MOGAT1: variants seen among roughly 807,000 people sequenced by gnomAD.
The protein encoded by MOGAT1 is 2-acylglycerol O-acyltransferase 1.
In MOGAT1, 32 loss-of-function variants were observed where a neutral mutation model predicts 31.4. The observed-to-expected ratio is 1.02, with a 90% CI of 0.77 to 1.37. The LOEUF (loss-of-function observed/expected upper bound fraction) is 1.37. Ranked by LOEUF, MOGAT1 falls within the 40% of genes most tolerant of loss-of-function variation. The pLI, the probability that MOGAT1 is intolerant of heterozygous loss-of-function variation, is 0.00. For synonymous variants in MOGAT1, 145 were observed against 144.5 expected (o/e 1.00, Z -0.03); for missense variants, 426 against 402.0 (o/e 1.06, Z -0.51).
chr2:222,679,796 T>C (rs1692551540), intron 1 of MOGAT1, among the ~76,000 whole-genome samples: 1 of 152,232 alleles, frequency 6.6e-6, no homozygotes, highest in Non-Finnish European at 1.5e-5. Context: ...ATGTGCCACA[T>C]GATCAAACTT....
intron 5 of MOGAT1, among the ~76,000 whole-genome samples, chr2:222,707,302 AGGAG>A (rs1306844555): frequency 6.7e-6 from 1 of 149,588 alleles, no homozygotes; most frequent in Non-Finnish European, 1.5e-5. Context: ...AAGGAAGGAA[AGGAG>A]GGAGGAAGGA....
intron 5 of MOGAT1, among the ~76,000 whole-genome samples, 197 bp downstream of exon 5, chr2:222,695,485 G>C (rs924373854): frequency 6.6e-6 from 1 of 152,298 alleles, no homozygotes; most frequent in African/African-American, 2.4e-5. Flanking sequence ...AATAGGAATT[G>C]ATTACTTTCA....
chr2:222,692,819 G>A (rs1468280111), intron 3 of MOGAT1, among the ~76,000 whole-genome samples: 1 of 152,152 alleles, frequency 6.6e-6, no homozygotes, highest in East Asian at 1.9e-4. Flanking sequence ...GGAGTGGCCA[G>A]AGGCAAGCTA....
chr2:222,677,121 A>G (rs1049025592), intron 1 of MOGAT1, among the ~76,000 whole-genome samples: 2 of 152,206 alleles, frequency 1.3e-5, no homozygotes, highest in African/African-American at 4.8e-5. Flanking sequence ...TGACTGGCCA[A>G]AGGTGGGTAC....
At chr2:222,701,706 A>G (rs914237780) in intron 5 of MOGAT1, among the ~76,000 whole-genome samples, 4 of 151,106 alleles carry the variant, frequency 2.6e-5, no homozygotes, top group African/African-American at 9.8e-5. Context: ...GGGAGGGGAA[A>G]GGAGGGGGTT....
chr2:222,696,750 G>A (rs1400742533), intron 5 of MOGAT1, among the ~76,000 whole-genome samples: 1 of 152,136 alleles, frequency 6.6e-6, no homozygotes, highest in Non-Finnish European at 1.5e-5. Context: ...TAAAAATACT[G>A]AGGAGTTGGC....
intron 5 of MOGAT1, among the ~76,000 whole-genome samples, chr2:222,703,135 G>A (rs1366583394): frequency 6.6e-6 from 1 of 152,134 alleles, no homozygotes; most frequent in Non-Finnish European, 1.5e-5. Flanking sequence ...GAAGGGCAAG[G>A]GCTGAGTTTA....
chr2:222,675,428 C>G (rs1228969886), intron 1 of MOGAT1, among the ~76,000 whole-genome samples: 1 of 151,628 alleles, frequency 6.6e-6, no homozygotes, highest in South Asian at 2.1e-4. Context: ...AGTCATGATG[C>G]TTGCCCGAAT....
chr2:222,696,013 A>T (rs1431561539), intron 5 of MOGAT1, among the ~76,000 whole-genome samples: 1 of 152,088 alleles, frequency 6.6e-6, no homozygotes, highest in Non-Finnish European at 1.5e-5. Context: ...AGAACATACG[A>T]TGTTTGGTTT....
chr2:222,679,830 T>A (rs1692551925), intron 1 of MOGAT1, among the ~76,000 whole-genome samples: 2 of 152,190 alleles, frequency 1.3e-5, no homozygotes, highest in Non-Finnish European at 2.9e-5. Context: ...AGCAGGTAGA[T>A]CTCCAAACAG....
At chr2:222,676,176 G>A (rs1327330943) in intron 1 of MOGAT1, among the ~76,000 whole-genome samples, 1 of 149,074 alleles carries the variant, frequency 6.7e-6, no homozygotes, top group Non-Finnish European at 1.5e-5. Flanking sequence ...AAATACAGAC[G>A]GGGTCTCTCT....
At chr2:222,674,696 T>C (rs1326281950) in intron 1 of MOGAT1, among the ~76,000 whole-genome samples, 1 of 152,230 alleles carries the variant, frequency 6.6e-6, no homozygotes, top group East Asian at 1.9e-4. Context: ...ATACTTTAGT[T>C]TGCATATTTT....
In MOGAT1 at chr2:222,709,875, T is replaced by G; in HGVS notation, c.993T>G (p.Thr331=). 6.2e-7 allele frequency: 1 copy of G among 1,601,730 alleles called. No individual in the cohort carries two copies. The highest frequency in any genetic ancestry group is 8.5e-7 in the Non-Finnish European group (1 of 1,175,300). ...KGKYGIPEHE[T]LVLK ...AGTATGGCATTCCAGAGCACGAGAC[T>G]CTTGTTTTAAAATGACTTGACTATA... The change falls in exon 6 of 6, where the codon ACT becomes ACG. Residue 331 remains threonine, a synonymous_variant. Coordinates refer to ENST00000446656, the MANE Select transcript of MOGAT1 (RefSeq NM_058165.3).
At chr2:222,691,474 G>T (rs1177198012) in intron 3 of MOGAT1, among the ~76,000 whole-genome samples, 1 of 152,174 alleles carries the variant, frequency 6.6e-6, no homozygotes, top group Non-Finnish European at 1.5e-5. Context: ...CTCCCAAAGC[G>T]CTGGGATTAC....
chr2:222,707,015 C>T (rs1693011853), intron 5 of MOGAT1, among the ~76,000 whole-genome samples: 1 of 152,064 alleles, frequency 6.6e-6, no homozygotes, highest in African/African-American at 2.4e-5. Context: ...ACATAGTGAA[C>T]CCTGTCTCTA....
chr2:222,681,217 C>G (rs1692575849), intron 1 of MOGAT1, among the ~76,000 whole-genome samples: 1 of 152,202 alleles, frequency 6.6e-6, no homozygotes, highest in Non-Finnish European at 1.5e-5. Context: ...GGAGCTAGGT[C>G]TCACAGGTGA....
At chr2:222,691,500 C>G (rs764084355) in intron 3 of MOGAT1, among the ~76,000 whole-genome samples, 3 of 152,240 alleles carry the variant, frequency 2.0e-5, no homozygotes, top group Non-Finnish European at 4.4e-5. Flanking sequence ...TGCACCACTG[C>G]GCCCAGCAAT....
chr2:222,683,548 C>T (rs932064888), intron 1 of MOGAT1, among the ~76,000 whole-genome samples: 5 of 151,224 alleles, frequency 3.3e-5, no homozygotes, highest in African/African-American at 9.7e-5. Flanking sequence ...GCAAACATGG[C>T]GAAACCCCGC....
chr2:222,708,387 C>T (rs1693038760), intron 5 of MOGAT1, among the ~76,000 whole-genome samples: 1 of 152,044 alleles, frequency 6.6e-6, no homozygotes, highest in Non-Finnish European at 1.5e-5. Flanking sequence ...CCCGGCCATC[C>T]TGTACATTTT....
Sources: allele counts gnomAD v4.1 joint callset (sites outside exome capture counted in the v4.1 genomes callset), GRCh38; gene constraint gnomAD v4.1.1; transcripts MANE v1.5; gene names NCBI Gene and HGNC (gene_info 2026-07-23, HGNC 2026-07-21).